Variants in HDAC9 observed in about 807,000 individuals in gnomAD.
The protein encoded by HDAC9 is histone deacetylase 9.
Under a neutral mutation model 139.4 loss-of-function variants are expected in HDAC9, and 41 were observed. The ratio of observed to expected loss-of-function variants is 0.29; its 90% CI spans 0.23 to 0.38. HDAC9 has a LOEUF of 0.38. HDAC9 is among the 10% of genes least tolerant of loss of function. The pLI is 1.00. For missense variants in HDAC9, 1,147 were observed against 1,297.0 expected (o/e 0.88, Z 1.78); for synonymous variants, 517 against 476.2 (o/e 1.09, Z -1.12).
chr7:18,246,822 GTTAT>G (rs1794572833), intron 2 of HDAC9, among the ~76,000 whole-genome samples: 1 of 152,124 alleles, frequency 6.6e-6, no homozygotes, highest in East Asian at 1.9e-4. Context: ...TGACTAGGAG[GTTAT>G]CAGTGTAATC....
intron 2 of HDAC9, among the ~76,000 whole-genome samples, chr7:18,220,457 G>T (rs559244137): frequency 3.3e-5 from 5 of 152,222 alleles, no homozygotes; most frequent in African/African-American, 1.2e-4. Flanking sequence ...ATACATAGAT[G>T]TTCATGATTT....
At chr7:18,991,648 A>G (rs150137459) in intron 25 of HDAC9, among the ~76,000 whole-genome samples, 61 of 152,272 alleles carry the variant, frequency 4.0e-4, no homozygotes, top group Middle Eastern at 3.4e-3. Flanking sequence ...AAAGAAAAAA[A>G]AAAAAAAGAA....
intron 25 of HDAC9, among the ~76,000 whole-genome samples, chr7:18,981,918 G>A (rs1360149974): frequency 6.6e-6 from 1 of 151,764 alleles, no homozygotes; most frequent in Non-Finnish European, 1.5e-5. Flanking sequence ...ACAAGTCTTT[G>A]ATAAGATTGA....
At chr7:18,465,943 C>A (rs1794235465) in intron 1 of HDAC9, among the ~76,000 whole-genome samples, 1 of 152,120 alleles carries the variant, frequency 6.6e-6, no homozygotes, top group South Asian at 2.1e-4. Flanking sequence ...TAAAACAACA[C>A]AATTTATTAT....
intron 2 of HDAC9, among the ~76,000 whole-genome samples, chr7:18,564,064 T>C (rs1821477876): frequency 6.6e-6 from 1 of 152,122 alleles, no homozygotes; most frequent in African/African-American, 2.4e-5. Context: ...CTCGAGCTCC[T>C]GACCTCATGA....
intron 2 of HDAC9, among the ~76,000 whole-genome samples, chr7:18,217,352 C>T (rs1194277674): frequency 2.0e-5 from 3 of 151,944 alleles, no homozygotes; most frequent in Non-Finnish European, 4.4e-5. Flanking sequence ...ATACTTTTGG[C>T]TTTATTTACT....
chr7:18,686,038 T>A (rs1046029898), intron 12 of HDAC9, among the ~76,000 whole-genome samples: 2 of 151,922 alleles, frequency 1.3e-5, no homozygotes, highest in African/African-American at 4.8e-5. Flanking sequence ...GACTTCAGTG[T>A]GGTAAAGCAG....
chr7:18,282,945 T>C (rs1797193957), intron 2 of HDAC9, among the ~76,000 whole-genome samples: 1 of 116,638 alleles, frequency 8.6e-6, no homozygotes, highest in African/African-American at 3.1e-5. Flanking sequence ...TGAAACTCTT[T>C]GACCTTTTTC....
intron 2 of HDAC9, among the ~76,000 whole-genome samples, chr7:18,200,293 G>A (rs1791024203): frequency 6.6e-6 from 1 of 152,218 alleles, no homozygotes; most frequent in South Asian, 2.1e-4. Flanking sequence ...CACTGATTGT[G>A]AATGATAAAT....
At chr7:18,129,802 G>A (rs1048540166) in intron 1 of HDAC9, among the ~76,000 whole-genome samples, 19 of 152,132 alleles carry the variant, frequency 1.2e-4, no homozygotes, top group African/African-American at 4.6e-4. Flanking sequence ...ATAGTCAATG[G>A]AGGAGAAGGC....
chr7:18,239,005 C>A (rs1794011452), intron 2 of HDAC9, among the ~76,000 whole-genome samples: 1 of 152,124 alleles, frequency 6.6e-6, no homozygotes, highest in Admixed American at 6.6e-5. Context: ...TGGGCATAAT[C>A]TTTTTCCTCT....
intron 1 of HDAC9, among the ~76,000 whole-genome samples, chr7:18,103,232 T>A (rs1782968559): frequency 6.6e-6 from 1 of 152,198 alleles, no homozygotes; most frequent in African/African-American, 2.4e-5. Flanking sequence ...TATCTCCACC[T>A]GGCTCCATCC....
rs75735702 is a variant in HDAC9, at chr7:18,348,245, G to A, written c.-42+57730G>A. On this transcript the variant is annotated intron_variant, in intron 1 of 3. Transcript: ENST00000413509. Reference sequence around the variant, plus strand: ...TTAATTAATTATAGAGGCAATGTCAGCGATTAAGAGGTAAGATATGGAGTA... The same window carrying A: ...TTAATTAATTATAGAGGCAATGTCAACGATTAAGAGGTAAGATATGGAGTA... Among the ~76,000 whole-genome samples, 322 of 152,280 alleles carry A rather than the reference G, an allele frequency of 2.1e-3. 6 individuals carry two copies. The East Asian group carries it at 0.055, about 26-fold the overall frequency.
rs77600318 is a variant in HDAC9 at position 18,878,197 on chromosome 7, A to T, written c.2803+3601A>T. On this transcript the variant is annotated intron_variant, in intron 22 of 25. Coordinates refer to ENST00000686413, the MANE Select transcript of HDAC9 (RefSeq NM_178425.4). The stretch of plus-strand genomic sequence containing the variant: ...TATAGTGTTGTTAACATTTTTTTTT[A>T]AAAAAAAGCTTCTTTGGTTTAAATT... Among the ~76,000 whole-genome samples the T allele has an allele frequency of 2.3e-3, 353 of 151,768 alleles. 7 individuals are homozygous for T. In the East Asian group the frequency reaches 0.045, roughly 19 times the overall value.
Position 18,739,226 on chromosome 7 carries a change from A to T in HDAC9, c.1910-9779A>T, listed in dbSNP as rs191038103. Among the ~76,000 whole-genome samples, 467 of 152,158 alleles carry T rather than the reference A, an allele frequency of 3.1e-3. 3 individuals carry two copies. Among genetic ancestry groups the T allele is most frequent in the African/African-American group, 0.011 (446 of 41,542 alleles). ...TCGAACAAGCTCCTTTAGCTCAGAGATGTTTGTTATTACCAACCTTCTGAA... is the reference window on the plus strand; with the variant it reads ...TCGAACAAGCTCCTTTAGCTCAGAGTTGTTTGTTATTACCAACCTTCTGAA... On this transcript the variant is annotated intron_variant, in intron 13 of 25. Transcript: ENST00000686413.
Position 18,142,425 on chromosome 7 carries a change from T to TA in HDAC9, c.-96-19797dup, listed in dbSNP as rs1047831958. Among the ~76,000 whole-genome samples the TA allele has an allele frequency of 2.0e-5, 3 of 152,150 alleles. No homozygotes were observed. The East Asian group carries it at 5.8e-4, about 29-fold the overall frequency. Reference sequence around the variant, plus strand: ...TTATCCCTGAGGTTCTTCTCCCTATTAAAAAAATACACGTTTGAAGATGAA... The same window carrying TA: ...TTATCCCTGAGGTTCTTCTCCCTATTAAAAAAAATACACGTTTGAAGATGAA... On this transcript the variant is annotated intron_variant, in intron 1 of 12. Transcript: ENST00000417496.
chr7:18,394,701 T>A (rs1386056698), intron 1 of HDAC9, among the ~76,000 whole-genome samples: 2 of 152,150 alleles, frequency 1.3e-5, no homozygotes, highest in South Asian at 4.1e-4. Flanking sequence ...ATTTCATTTC[T>A]GTTGAAATTC....
intron 6 of HDAC9, among the ~76,000 whole-genome samples, chr7:18,622,949 G>T (rs1163643444): frequency 6.6e-6 from 1 of 151,764 alleles, no homozygotes. Context: ...TTTGAGACCA[G>T]CTTGGACAAT....
chr7:18,573,625 G>C (rs901398723), intron 2 of HDAC9, among the ~76,000 whole-genome samples: 9 of 152,222 alleles, frequency 5.9e-5, no homozygotes, highest in African/African-American at 1.9e-4. Flanking sequence ...ATTGAGTGCA[G>C]GGTCTAGCCA....
Sources: gnomAD v4.1 joint callset for allele counts (sites outside exome capture counted in the v4.1 genomes callset) on GRCh38, gnomAD v4.1.1 for gene constraint, MANE v1.5 for transcripts, NCBI Gene and HGNC (gene_info 2026-07-23, HGNC 2026-07-21) for gene names.